The following PCM1 variants were observed in gnomAD, a reference collection of about 807,000 sequenced individuals.
PCM1 encodes the protein pericentriolar material 1 protein.
In PCM1, 157 loss-of-function variants were observed where a neutral mutation model predicts 241.9. The ratio of observed to expected loss-of-function variants is 0.65; its 90% CI spans 0.57 to 0.74. The LOEUF is 0.74. Among genes scored for constraint, PCM1 ranks in the 30% least tolerant of loss-of-function variants. The pLI is 0.00. For missense variants in PCM1, 3,478 were observed against 2,360.1 expected (o/e 1.47, Z -9.81); for synonymous variants, 1,085 against 784.9 (o/e 1.38, Z -6.39).
chr8:17,938,367 G>A (rs1019729951), intron 4 of PCM1, among the ~76,000 whole-genome samples: 9 of 151,920 alleles, frequency 5.9e-5, no homozygotes, highest in South Asian at 2.1e-4. Flanking sequence ...TTTAGACTCC[G>A]GTCTCTTTCC....
In PCM1 at chr8:17,966,003, A is replaced by G; in HGVS notation, c.2860A>G (p.Lys954Glu). The G allele has an allele frequency of 6.2e-7, 1 of 1,607,742 alleles. No individual in the cohort carries two copies. Among genetic ancestry groups the G allele is most frequent in the Non-Finnish European group, 8.5e-7 (1 of 1,176,338 alleles). Residue 954 changes from lysine (K) to glutamate (E), a missense_variant, in exon 19 of 39, where the codon AAG (lysine) becomes GAG (glutamate). By Grantham distance (56) the Lys-to-Glu change is moderately conservative. Coordinates refer to ENST00000325083, the MANE Select transcript of PCM1 (RefSeq NM_006197.4). ...ATGCTTTCAATCTTGTGTTAGGTGG[A>G]AGAACAATTGCCCTTTTTCGGCAGA... ...YNGKETKNRW[K>E]NNCPFSADEN...
At chr8:17,941,217 T>C (rs1180784137) in intron 6 of PCM1, among the ~76,000 whole-genome samples, 2 of 152,114 alleles carry the variant, frequency 1.3e-5, no homozygotes, top group Non-Finnish European at 2.9e-5. Flanking sequence ...CCAGCAGAAA[T>C]GGAAGGGTTA....
At chr8:17,968,360 G>A (rs902520138) in intron 21 of PCM1, among the ~76,000 whole-genome samples, 3 of 152,158 alleles carry the variant, frequency 2.0e-5, no homozygotes, top group Non-Finnish European at 2.9e-5. Context: ...ATTTTAGAAA[G>A]ATTACACTGG....
chr8:17,990,495 T>A (rs1477330078), intron 27 of PCM1, among the ~76,000 whole-genome samples: 1 of 151,584 alleles, frequency 6.6e-6, no homozygotes, highest in East Asian at 1.9e-4. Context: ...GTTTTTTTTT[T>A]TTTCCCCCTC....
In PCM1 at chr8:17,986,079, A is replaced by G; in HGVS notation, c.4402A>G (p.Thr1468Ala). 1 of 1,576,046 alleles carries G rather than the reference A, an allele frequency of 6.3e-7. No homozygotes were observed. Among genetic ancestry groups the G allele is most frequent in the Non-Finnish European group, 8.6e-7 (1 of 1,161,988 alleles). Residue 1468 changes from threonine to alanine, a missense_variant, in exon 26 of 39, where the codon ACT becomes GCT. By Grantham distance (58) the Thr-to-Ala change is moderately conservative (BLOSUM62 0). Transcript: ENST00000325083. ...TACTCCTAGTGAGAGCCTTGCTACT[A>G]CTGATGATGTAAGCTGATAATGATT... is the stretch of plus-strand genomic sequence containing the variant. ...ELTPSESLAT[T>A]DDETFEKNFE...
rs757108922 is a variant in PCM1, at chr8:18,010,641, T to C, written c.5193T>C (p.Pro1731=). 6.2e-7 allele frequency: 1 copy of C among 1,604,456 alleles called. No individual in the cohort carries two copies. The highest frequency in any genetic ancestry group is 1.3e-5 in the African/African-American group (1 of 74,280). ...AKRILEDHGS[P]AGEIDDEDKD... is the part of the protein sequence containing the mutation. The stretch of plus-strand genomic sequence containing the variant: ...GGATTCTTGAAGATCATGGCTCACC[T>C]GCTGGAGAGATTGATGATGAAGACA... The change falls in exon 32 of 39, where the codon CCT becomes CCC. Residue 1731 remains proline (P), a synonymous_variant. Transcript: ENST00000325083.
chr8:18,018,879 TACACAC>T (rs377102229), intron 36 of PCM1, among the ~76,000 whole-genome samples: 3,178 of 35,330 alleles, frequency 0.09, 116 homozygotes, highest in African/African-American at 0.12. Context: ...TATATATATA[TACACAC>T]ACATATACAT....
At chr8:17,946,374 C>T (rs1280580889) in intron 6 of PCM1, among the ~76,000 whole-genome samples, 1 of 152,144 alleles carries the variant, frequency 6.6e-6, no homozygotes, top group Non-Finnish European at 1.5e-5. Context: ...AATCTTTTTA[C>T]ATAAGATTAT....
At chr8:17,932,559 C>A (rs995030028) in intron 2 of PCM1, among the ~76,000 whole-genome samples, 1 of 151,526 alleles carries the variant, frequency 6.6e-6, no homozygotes, top group Non-Finnish European at 1.5e-5. Flanking sequence ...TATATTTCTC[C>A]GGTTTTATTT....
intron 34 of PCM1, among the ~76,000 whole-genome samples, chr8:18,013,239 A>C (rs2092738110): frequency 6.6e-6 from 1 of 152,168 alleles, no homozygotes; most frequent in African/African-American, 2.4e-5. Context: ...TTATACAGGC[A>C]TGCACTAGAT....
rs2094133877 is a variant in PCM1, at chr8:18,025,585, C to G, written c.5976C>G (p.Asn1992Lys). Residue 1992 changes from asparagine (N) to lysine (K), a missense_variant, in exon 38 of 39, where the codon AAC becomes AAG. Transcript: ENST00000325083. The stretch of plus-strand genomic sequence containing the variant: ...AAATGGTAGAAGAAGAACAGAAAAA[C>G]CATTTATCTGGTGAAATATGTGAAA... ...RKKMVEEEQKNHLSGEICEMQ... is the reference protein window; with the variant it reads ...RKKMVEEEQKKHLSGEICEMQ... The G allele has an allele frequency of 3.2e-6, 5 of 1,584,832 alleles. No individual in the cohort carries two copies. Among genetic ancestry groups the G allele is most frequent in the Non-Finnish European group, 4.3e-6 (5 of 1,165,328 alleles).
chr8:18,014,483 T>G (rs1332179767), intron 35 of PCM1, 101 bp from the exon 36 acceptor site: 2 of 903,544 alleles, frequency 2.2e-6, no homozygotes, highest in African/African-American at 3.4e-5. Flanking sequence ...GTCTTAAATA[T>G]CTTGATTGCT....
chr8:17,979,201 G>C (rs960217465), intron 23 of PCM1, among the ~76,000 whole-genome samples: 1 of 151,640 alleles, frequency 6.6e-6, no homozygotes, highest in Non-Finnish European at 1.5e-5. Context: ...CATTGTAAAT[G>C]AAAGTACTCC....
Position 17,960,124 on chromosome 8 carries a change from C to A in PCM1, c.2151C>A (p.Ala717=). Residue 717 remains alanine (A), a synonymous_variant, in exon 14 of 39, where the codon GCC becomes GCA. Coordinates refer to ENST00000325083, the MANE Select transcript of PCM1 (RefSeq NM_006197.4). ...ATTCAAATAACACTAGAGGAAATGC[C>A]AATAAAACACAGAAAGATACTGGAG... ...KQNSNNTRGN[A]NKTQKDTGVN... is the part of the protein sequence containing the mutation. 4 of 1,593,540 alleles carry A rather than the reference C, an allele frequency of 2.5e-6. No individual in the cohort carries two copies. The highest frequency in any genetic ancestry group is 3.4e-6 in the Non-Finnish European group (4 of 1,168,744).
intron 6 of PCM1, among the ~76,000 whole-genome samples, chr8:17,942,018 T>G (rs907266256): frequency 3.9e-5 from 6 of 152,220 alleles, no homozygotes; most frequent in Non-Finnish European, 8.8e-5. Flanking sequence ...TCTACTTTGT[T>G]ATATACCTCT....
Position 17,995,511 on chromosome 8 carries a change from A to G in PCM1, c.4827+1892A>G, listed in dbSNP as rs903262976. 1.9e-4 allele frequency among the ~76,000 whole-genome samples: 29 copies of G among 151,270 alleles called. 1 individual carries two copies. The highest frequency in any genetic ancestry group is 6.9e-4 in the African/African-American group (28 of 40,636). On this transcript the variant is annotated intron_variant, in intron 29 of 38. Transcript: ENST00000325083. ...GAAGGCAGGTTAATGTGATTCTTCC[A>G]GTTTTGTTCTTTTTGCTCAAGATAG...
chr8:17,980,636 G>A lies in PCM1; in HGVS notation c.3989G>A (p.Ser1330Asn), dbSNP rs368532115. ...SMSSTCEPCK[S>N]RNRHSAQTEE... ...TCTAGCACATGTGAACCTTGCAAAA[G>A]TAGGAACAGACATTCAGCCCAGACT... is the stretch of plus-strand genomic sequence containing the variant. The change falls in exon 24 of 39, where the codon AGT becomes AAT. Residue 1330 changes from serine (S) to asparagine (N), a missense_variant. By Grantham distance (46) the Ser-to-Asn change is conservative. Coordinates refer to ENST00000325083, the MANE Select transcript of PCM1 (RefSeq NM_006197.4). 1.9e-6 allele frequency: 3 copies of A among 1,613,170 alleles called. No individual in the cohort carries two copies. The highest frequency in any genetic ancestry group is 8.5e-7 in the Non-Finnish European group (1 of 1,179,516).
intron 36 of PCM1, among the ~76,000 whole-genome samples, chr8:18,018,617 C>G (rs2093445470): frequency 6.6e-6 from 1 of 151,806 alleles, no homozygotes; most frequent in African/African-American, 2.4e-5. Context: ...TTGAGACCAT[C>G]CTGGCCAATA....
intron 36 of PCM1, among the ~76,000 whole-genome samples, chr8:18,022,470 G>A (rs542777964): frequency 7.4e-4 from 112 of 152,220 alleles, no homozygotes; most frequent in African/African-American, 2.6e-3. Context: ...AACTAATACC[G>A]AAATCTACTC....
Sources: allele counts gnomAD v4.1 joint callset (sites outside exome capture counted in the v4.1 genomes callset), GRCh38; gene constraint gnomAD v4.1.1; transcripts MANE v1.5; gene names NCBI Gene and HGNC (gene_info 2026-07-23, HGNC 2026-07-21).